LMNTD1: variants seen among roughly 807,000 people sequenced by gnomAD.
The protein encoded by LMNTD1 is lamin tail domain-containing protein 1.
Under a neutral mutation model 50.9 loss-of-function variants are expected in LMNTD1, and 35 were observed. The observed-to-expected ratio is 0.69, with a 90% CI of 0.53 to 0.91. The LOEUF is 0.91. Among genes scored for constraint, LMNTD1 ranks in the 40% least tolerant of loss-of-function variants. The pLI, the probability that LMNTD1 is intolerant of heterozygous loss-of-function variation, is 0.00. For missense variants in LMNTD1, 470 were observed against 475.5 expected (o/e 0.99, Z 0.11); for synonymous variants, 153 against 161.9 (o/e 0.94, Z 0.42).
intron 4 of LMNTD1, among the ~76,000 whole-genome samples, chr12:25,531,061 G>A (rs1043166876): frequency 2.0e-5 from 3 of 152,166 alleles, no homozygotes; most frequent in African/African-American, 7.2e-5. Context: ...GTGGCCTTTT[G>A]AAGCTAAGGG....
intron 4 of LMNTD1, among the ~76,000 whole-genome samples, chr12:25,537,161 C>G (rs1017382663): frequency 6.6e-6 from 1 of 152,200 alleles, no homozygotes; most frequent in African/African-American, 2.4e-5. Context: ...GGGGCGCCCA[C>G]CATTGCCCAG....
intron 1 of LMNTD1, among the ~76,000 whole-genome samples, chr12:25,596,552 T>G (rs1394662233): frequency 6.6e-6 from 1 of 152,026 alleles, no homozygotes; most frequent in Non-Finnish European, 1.5e-5. Context: ...TACAGTAGAA[T>G]AGCATATCCA....
At chr12:25,586,453 C>T (rs1396866777) in intron 1 of LMNTD1, among the ~76,000 whole-genome samples, 1 of 152,142 alleles carries the variant, frequency 6.6e-6, no homozygotes, top group Non-Finnish European at 1.5e-5. Flanking sequence ...CTTCCAATGT[C>T]TTATTTCTTA....
rs138354370 is a variant in LMNTD1 at position 25,599,745 on chromosome 12, T to A, written c.58+48749A>T. Among the ~76,000 whole-genome samples, 598 of 151,808 alleles carry A rather than the reference T, an allele frequency of 3.9e-3. 4 individuals are homozygous for A. The highest frequency in any genetic ancestry group is 0.014 in the African/African-American group (565 of 41,472). ...AATACCTAGACATTAACCAAAGAAGTGAGAGTGCTATAATAAATAAAAACT... is the reference window on the plus strand; with the variant it reads ...AATACCTAGACATTAACCAAAGAAGAGAGAGTGCTATAATAAATAAAAACT... On this transcript the variant is annotated intron_variant, in intron 1 of 7. Coordinates refer to the LMNTD1 transcript ENST00000445693.
chr12:25,556,524 G>A (rs567698219), upstream of LMNTD1, among the ~76,000 whole-genome samples: 3 of 152,140 alleles, frequency 2.0e-5, no homozygotes, highest in Admixed American at 2.0e-4. Context: ...GTCCATTCCT[G>A]AACCAGCTTC....
intron 1 of LMNTD1, among the ~76,000 whole-genome samples, chr12:25,621,531 C>A (rs977717994): frequency 2.0e-5 from 3 of 152,184 alleles, no homozygotes; most frequent in Admixed American, 2.0e-4. Context: ...ACATTCATCA[C>A]CATTCATGCT....
At chr12:25,560,086 C>T (rs1010390900) in intron 1 of LMNTD1, among the ~76,000 whole-genome samples, 11 of 152,158 alleles carry the variant, frequency 7.2e-5, no homozygotes, top group Admixed American at 5.2e-4. Context: ...GTTGCCATTG[C>T]TTTTGGTGTT....
chr12:25,602,286 G>C (rs959564313), intron 1 of LMNTD1, among the ~76,000 whole-genome samples: 2 of 151,378 alleles, frequency 1.3e-5, no homozygotes, highest in African/African-American at 4.9e-5. Flanking sequence ...TCTTTAGGGG[G>C]CATGCATCCA....
At chr12:25,624,847 A>G (rs1186261289) in intron 1 of LMNTD1, among the ~76,000 whole-genome samples, 3 of 152,256 alleles carry the variant, frequency 2.0e-5, no homozygotes, top group African/African-American at 7.2e-5. Context: ...AGTTACTGTT[A>G]TCCTCCCTCT....
intron 1 of LMNTD1, among the ~76,000 whole-genome samples, chr12:25,604,556 T>C (rs541143569): frequency 2.6e-5 from 4 of 151,830 alleles, no homozygotes. Context: ...TGTCCATGTG[T>C]TCTCATTGTT....
intron 1 of LMNTD1, among the ~76,000 whole-genome samples, chr12:25,571,339 T>A (rs542035950): frequency 6.7e-6 from 1 of 148,700 alleles, no homozygotes; most frequent in African/African-American, 2.5e-5. Context: ...AAAAAAGTAT[T>A]TTTATTTATT....
At chr12:25,635,104 G>A (rs767166699) in intron 1 of LMNTD1, among the ~76,000 whole-genome samples, 12 of 151,922 alleles carry the variant, frequency 7.9e-5, no homozygotes, top group African/African-American at 2.2e-4. Flanking sequence ...GCCGGGCATC[G>A]TGGCACATGC....
chr12:25,549,396 A>G lies in LMNTD1; in HGVS notation c.240T>C (p.Thr80=), dbSNP rs781082064. 2 of 1,613,094 alleles carry G rather than the reference A, an allele frequency of 1.2e-6. No individual in the cohort carries two copies. The highest frequency in any genetic ancestry group is 1.7e-6 in the Non-Finnish European group (2 of 1,179,342). The change falls in exon 3 of 10, where the codon ACT becomes ACC. Residue 80 remains threonine, a synonymous_variant. Coordinates refer to ENST00000458174, the MANE Select transcript of LMNTD1 (RefSeq NM_001145728.2). The part of the protein sequence containing the change: ...YLSSPQISRV[T]ISTTGQLTSK... ...AAGTCAATTGTCCAGTTGTTGATAT[A>G]GTTACTCTACTAATCTGAGGACTAG...
intron 9 of LMNTD1, among the ~76,000 whole-genome samples, chr12:25,500,758 T>A (rs1160107266): frequency 4.6e-5 from 7 of 152,262 alleles, no homozygotes; most frequent in Non-Finnish European, 7.4e-5. Context: ...TTTCCAGAAT[T>A]CTCTTAACTT....
intron 1 of LMNTD1, among the ~76,000 whole-genome samples, chr12:25,576,502 T>C (rs1474232612): frequency 1.3e-5 from 2 of 152,238 alleles, no homozygotes; most frequent in African/African-American, 4.8e-5. Context: ...TTGAGAAGTG[T>C]CTGTTCATAT....
chr12:25,642,262 G>A (rs1395157445), intron 1 of LMNTD1, among the ~76,000 whole-genome samples: 3 of 152,138 alleles, frequency 2.0e-5, no homozygotes, highest in Non-Finnish European at 4.4e-5. Context: ...CCACTGTGAG[G>A]GTATCTGAAG....
chr12:25,546,545 G>T lies in LMNTD1; in HGVS notation c.320C>A (p.Pro107His). ...ATCCTGTTTCTTCGGAACTGAGAAGGGGCTGGCATCTTTCAAGTAGACAGA... is the reference window on the plus strand; with the variant it reads ...ATCCTGTTTCTTCGGAACTGAGAAGTGGCTGGCATCTTTCAAGTAGACAGA... ...SRVENSLDAS[P>H]FSVPKKQDES... Residue 107 changes from proline (P) to histidine (H), a missense_variant, in exon 4 of 10, where the codon CCC becomes CAC. Pro to His is a moderately conservative substitution (Grantham distance 77). Transcript: ENST00000458174. The T allele has an allele frequency of 2.0e-6, 3 of 1,533,558 alleles. No individual in the cohort carries two copies. The highest frequency in any genetic ancestry group is 1.8e-6 in the Non-Finnish European group (2 of 1,137,950). 95.0% of individuals were successfully genotyped at this position (1,533,558 alleles called of 1,614,324 possible).
At chr12:25,507,824 G>GGCT (rs1465026946) in intron 8 of LMNTD1, among the ~76,000 whole-genome samples, 3 of 152,116 alleles carry the variant, frequency 2.0e-5, no homozygotes, top group Non-Finnish European at 4.4e-5. Context: ...ATATTTTAAG[G>GGCT]GCTGCAATTA....
At chr12:25,513,540 GCACGAGAAT>G (rs1940486302) in intron 8 of LMNTD1, among the ~76,000 whole-genome samples, 1 of 152,154 alleles carries the variant, frequency 6.6e-6, no homozygotes, top group South Asian at 2.1e-4. Context: ...GGAGGCTGAG[GCACGAGAAT>G]CACTGGAACT....
Sources: gnomAD v4.1 joint callset for allele counts (sites outside exome capture counted in the v4.1 genomes callset) on GRCh38, gnomAD v4.1.1 for gene constraint, MANE v1.5 for transcripts, NCBI Gene and HGNC (gene_info 2026-07-23, HGNC 2026-07-21) for gene names.